Variants in OSBPL9 observed in about 807,000 individuals in gnomAD.
OSBPL9 encodes oxysterol-binding protein-related protein 9.
In OSBPL9, 40 loss-of-function variants were observed where a neutral mutation model predicts 106.6. That is an observed-to-expected ratio of 0.38 (90% CI 0.29 to 0.49). The LOEUF is 0.49. OSBPL9 is among the 20% of genes least tolerant of loss of function. The pLI is 0.97. For missense variants in OSBPL9, 609 were observed against 887.2 expected (o/e 0.69, Z 3.98); for synonymous variants, 269 against 295.4 (o/e 0.91, Z 0.92).
chr1:51,743,761 A>G (rs996022690), intron 4 of OSBPL9, among the ~76,000 whole-genome samples: 2 of 152,196 alleles, frequency 1.3e-5, no homozygotes, highest in African/African-American at 2.4e-5. Flanking sequence ...GTGGCACAGT[A>G]ACATGGAAAT....
At chr1:51,545,898 A>G in the OSBPL9 span, among the ~76,000 whole-genome samples, 4 of 152,260 alleles carry the variant, frequency 2.6e-5, no homozygotes, top group Non-Finnish European at 5.9e-5. Flanking sequence ...TCTACATCGT[A>G]TAAGAGTAGA....
At chr1:51,722,086 G>A (rs997823447) in intron 4 of OSBPL9, among the ~76,000 whole-genome samples, 1 of 152,184 alleles carries the variant, frequency 6.6e-6, no homozygotes, top group South Asian at 2.1e-4. Context: ...CACTTTGAGA[G>A]GCCAAGGCAG....
the OSBPL9 span, among the ~76,000 whole-genome samples, chr1:51,538,894 T>A: frequency 6.6e-6 from 1 of 152,210 alleles, no homozygotes; most frequent in East Asian, 1.9e-4. Flanking sequence ...GTCTCTTGGT[T>A]TTTGTGATAC....
chr1:51,715,665 GACATTCA>G (rs1192153325), intron 4 of OSBPL9, among the ~76,000 whole-genome samples: 1 of 152,150 alleles, frequency 6.6e-6, no homozygotes, highest in African/African-American at 2.4e-5. Context: ...TGGTTAGACT[GACATTCA>G]ACATTCAACA....
intron 12 of OSBPL9, among the ~76,000 whole-genome samples, chr1:51,766,369 T>C (rs1672556417): frequency 6.6e-6 from 1 of 152,200 alleles, no homozygotes; most frequent in African/African-American, 2.4e-5. Flanking sequence ...GAGGTTTCTA[T>C]TACTTTTTTC....
At chr1:51,604,128 G>C (rs1175104418) in intron 2 of OSBPL9, among the ~76,000 whole-genome samples, 1 of 152,196 alleles carries the variant, frequency 6.6e-6, no homozygotes, top group African/African-American at 2.4e-5. Context: ...GCAGTGAGCT[G>C]CGTGTGTTCC....
At position 51,750,136 on chromosome 1, in the gene OSBPL9, T is replaced by G. The variant is rs776140261; in HGVS notation, c.493-9T>G. 4 of 1,591,198 alleles carry G rather than the reference T, an allele frequency of 2.5e-6. No homozygotes were observed. Among genetic ancestry groups the G allele is most frequent in the Non-Finnish European group, 3.4e-6 (4 of 1,170,228 alleles). ...CCAAGATCCTAAAATCAGTGTTTTG[T>G]TTTTATAGAGCATGGTAGAATCAAT... is the stretch of plus-strand genomic sequence containing the variant. On this transcript the variant is annotated splice_polypyrimidine_tract_variant and intron_variant, in intron 7 of 23. Coordinates refer to ENST00000428468, the MANE Select transcript of OSBPL9 (RefSeq NM_024586.6).
intron 17 of OSBPL9, 140 bp from the exon 18 acceptor site, chr1:51,783,775 G>A (rs1005738240): frequency 3.1e-6 from 2 of 637,948 alleles, no homozygotes; most frequent in South Asian, 1.9e-5. Context: ...TAAAAGGCAG[G>A]TAGGTACCTC....
chr1:51,655,882 A>G (rs1256016402), intron 2 of OSBPL9, among the ~76,000 whole-genome samples: 1 of 152,216 alleles, frequency 6.6e-6, no homozygotes, highest in African/African-American at 2.4e-5. Context: ...AGAAACATGT[A>G]TGTGTGTGTT....
chr1:51,717,802 G>A (rs1661335991), intron 4 of OSBPL9, among the ~76,000 whole-genome samples: 1 of 151,792 alleles, frequency 6.6e-6, no homozygotes, highest in African/African-American at 2.4e-5. Flanking sequence ...ACAGTTTGAA[G>A]GTTCCTCAAA....
intron 3 of OSBPL9, among the ~76,000 whole-genome samples, chr1:51,702,084 T>G: frequency 6.6e-6 from 1 of 152,210 alleles, no homozygotes; most frequent in Non-Finnish European, 1.5e-5. Context: ...TCTTTGCTAT[T>G]GTGAATAGTG....
intron 1 of OSBPL9, among the ~76,000 whole-genome samples, chr1:51,580,931 T>C (rs1226642204): frequency 0.057 from 107 of 1,886 alleles, 6 homozygotes; most frequent in Middle Eastern, 0.25. Flanking sequence ...TATATATATA[T>C]ATATATATAT....
intron 2 of OSBPL9, among the ~76,000 whole-genome samples, chr1:51,657,665 C>T (rs1311075881): frequency 6.6e-6 from 1 of 152,166 alleles, no homozygotes; most frequent in African/African-American, 2.4e-5. Context: ...AAGTGTGTGC[C>T]ACTAGACGGT....
At chr1:51,590,391 C>G (rs536827700) in intron 1 of OSBPL9, among the ~76,000 whole-genome samples, 2 of 151,734 alleles carry the variant, frequency 1.3e-5, no homozygotes, top group Non-Finnish European at 2.9e-5. Context: ...GAGGCCAAGG[C>G]GGGTGGATCA....
At chr1:51,540,872 T>C in the OSBPL9 span, among the ~76,000 whole-genome samples, 189 of 151,206 alleles carry the variant, frequency 1.2e-3, no homozygotes, top group Non-Finnish European at 2.2e-3. Context: ...GGCAGGAGAA[T>C]TGCTTGAACC....
chr1:51,612,032 T>C (rs1405541783), intron 2 of OSBPL9, among the ~76,000 whole-genome samples: 1 of 152,220 alleles, frequency 6.6e-6, no homozygotes, highest in South Asian at 2.1e-4. Context: ...AAATGATTAT[T>C]CAGTTACAAA....
intron 3 of OSBPL9, chr1:51,707,116 A>T: frequency 3.0e-6 from 1 of 331,348 alleles, no homozygotes; most frequent in South Asian, 2.4e-5. Context: ...CTCTTGCTGG[A>T]GCTGGTGGTC....
At chr1:51,700,415 T>C (rs1481239171) in intron 3 of OSBPL9, among the ~76,000 whole-genome samples, 2 of 152,242 alleles carry the variant, frequency 1.3e-5, no homozygotes, top group Non-Finnish European at 2.9e-5. Context: ...TAATGCTCCT[T>C]TTCTGTTCCA....
At chr1:51,526,439 T>C in the OSBPL9 span, among the ~76,000 whole-genome samples, 1 of 152,228 alleles carries the variant, frequency 6.6e-6, no homozygotes, top group Admixed American at 6.5e-5. Context: ...AATGTTTCTC[T>C]CTGGAGATTC....
Sources: gnomAD v4.1 joint callset for allele counts (sites outside exome capture counted in the v4.1 genomes callset) on GRCh38, gnomAD v4.1.1 for gene constraint, MANE v1.5 for transcripts, NCBI Gene and HGNC (gene_info 2026-07-23, HGNC 2026-07-21) for gene names.